Variants in PAK2 observed in about 807,000 individuals in gnomAD.
The protein encoded by PAK2 is serine/threonine-protein kinase PAK 2.
In PAK2, 21 loss-of-function variants were observed where a neutral mutation model predicts 65.9. That is an observed-to-expected ratio of 0.32 (90% CI 0.23 to 0.46). PAK2 has a LOEUF of 0.46. Ranked by LOEUF, PAK2 falls within the 20% of genes least tolerant of loss-of-function variation. The probability of loss-of-function intolerance (pLI) is 1.00; values close to 1 mark genes in which losing one functional copy is unlikely to be tolerated. For synonymous variants in PAK2, 204 were observed against 219.7 expected (o/e 0.93, Z 0.63); for missense variants, 324 against 642.6 (o/e 0.50, Z 5.36).
At chr3:196,755,016 G>T (rs1440220549) in intron 1 of PAK2, among the ~76,000 whole-genome samples, 2 of 152,198 alleles carry the variant, frequency 1.3e-5, no homozygotes, top group East Asian at 3.8e-4. Context: ...ATGAGGCAGA[G>T]CATGGCTGGG....
intron 2 of PAK2, among the ~76,000 whole-genome samples, chr3:196,785,462 C>G (rs74392797): frequency 1.2e-4 from 18 of 152,016 alleles, no homozygotes; most frequent in Non-Finnish European, 1.9e-4. Context: ...GATGAGCGTT[C>G]CCATTGCTGA....
chr3:196,827,570 A>G (rs1357865817), intron 14 of PAK2: 4 of 264,042 alleles, frequency 1.5e-5, no homozygotes, highest in Non-Finnish European at 2.3e-5. Context: ...ACCTGGACAC[A>G]GGAAGGGGAA....
intron 1 of PAK2, among the ~76,000 whole-genome samples, chr3:196,768,535 TCTCA>T (rs1172208549): frequency 4.6e-5 from 7 of 151,982 alleles, no homozygotes; most frequent in African/African-American, 1.5e-4. Context: ...TGAAACAAGG[TCTCA>T]CTCTGTTGCC....
rs143489574 is a variant in PAK2 at position 196,773,828 on chromosome 3, C to T, written c.-21-8798C>T. 7.9e-3 allele frequency among the ~76,000 whole-genome samples: 1,205 copies of T among 152,170 alleles called. 13 individuals carry two copies. Among genetic ancestry groups the T allele is most frequent in the Non-Finnish European group, 0.011 (761 of 67,994 alleles). On this transcript the variant is annotated intron_variant, in intron 1 of 14. Coordinates refer to ENST00000327134, the MANE Select transcript of PAK2 (RefSeq NM_002577.4). ...CAGAGGTTGCAGTGAGCCAAGATCA[C>T]GCCACTGCACTCCAGCCTGGGCGAC...
At position 196,812,174 on chromosome 3, in the gene PAK2, G is replaced by A. The variant is rs980340581; in HGVS notation, c.774-45G>A. 4.9e-5 allele frequency: 52 copies of A among 1,067,102 alleles called. No homozygotes were observed. The Admixed American group carries it at 8.0e-4, about 16-fold the overall frequency. The allele number at this position is 1,067,102 out of a possible 1,614,324, so 66.1% of individuals were successfully genotyped here. On this transcript the variant is annotated intron_variant, in intron 8 of 14. Transcript: ENST00000327134. ...AAGTCTTTGGATATTGCAAATGCTA[G>A]TGATTTATCAACCTTAAATCTGGTT...
intron 1 of PAK2, among the ~76,000 whole-genome samples, chr3:196,769,048 T>C (rs1287634256): frequency 6.6e-6 from 1 of 152,026 alleles, no homozygotes; most frequent in Non-Finnish European, 1.5e-5. Flanking sequence ...CAGAGCTAGC[T>C]GGGCACTGTA....
chr3:196,771,402 A>G (rs560933615), intron 1 of PAK2, among the ~76,000 whole-genome samples: 9 of 152,134 alleles, frequency 5.9e-5, no homozygotes, highest in African/African-American at 2.2e-4. Context: ...CTTTTGATTC[A>G]TTAGACTTCT....
At chr3:196,763,575 G>T (rs1419144834) in intron 1 of PAK2, among the ~76,000 whole-genome samples, 1 of 152,046 alleles carries the variant, frequency 6.6e-6, no homozygotes, top group Non-Finnish European at 1.5e-5. Flanking sequence ...TAACTGCTGC[G>T]GGAGCTCAGA....
intron 2 of PAK2, among the ~76,000 whole-genome samples, chr3:196,788,487 C>T (rs978742767): frequency 2.6e-5 from 4 of 152,142 alleles, no homozygotes; most frequent in African/African-American, 9.7e-5. Flanking sequence ...TTGGATCGTG[C>T]CGTTTTAAGG....
intron 2 of PAK2, among the ~76,000 whole-genome samples, chr3:196,788,160 CG>C (rs1714957954): frequency 6.6e-6 from 1 of 152,168 alleles, no homozygotes; most frequent in Non-Finnish European, 1.5e-5. Flanking sequence ...GTGAAACACT[CG>C]GTTTTGGTGT....
intron 2 of PAK2, among the ~76,000 whole-genome samples, chr3:196,800,318 G>T (rs1298794080): frequency 1.3e-5 from 2 of 152,032 alleles, no homozygotes; most frequent in African/African-American, 4.8e-5. Context: ...GGAGGCAGAG[G>T]TTGCAGTGAG....
intron 2 of PAK2, among the ~76,000 whole-genome samples, chr3:196,798,747 C>T (rs188388483): frequency 1.5e-3 from 231 of 152,162 alleles, no homozygotes; most frequent in East Asian, 1.5e-3. Flanking sequence ...GTTTGAAAAT[C>T]GATGGATGTT....
chr3:196,799,131 AT>A (rs1303695219), intron 2 of PAK2, among the ~76,000 whole-genome samples: 1 of 152,194 alleles, frequency 6.6e-6, no homozygotes, highest in Non-Finnish European at 1.5e-5. Flanking sequence ...CACCGACAAC[AT>A]GATTGAATTT....
chr3:196,801,700 G>A (rs1281521978), intron 2 of PAK2, among the ~76,000 whole-genome samples: 1 of 152,066 alleles, frequency 6.6e-6, no homozygotes, highest in Non-Finnish European at 1.5e-5. Context: ...GGGCATGGTG[G>A]TGGGCACCTG....
At chr3:196,803,307 A>C in intron 4 of PAK2, 143 bp downstream of exon 4, 2 of 629,516 alleles carry the variant, frequency 3.2e-6, no homozygotes, top group East Asian at 3.0e-5. Flanking sequence ...CCTTTTGTAG[A>C]CTGATCCAGG....
At chr3:196,750,202 T>C (rs7640613) in intron 1 of PAK2, among the ~76,000 whole-genome samples, 70,615 of 151,588 alleles carry the variant, frequency 0.47, 16,935 homozygotes, top group Non-Finnish European at 0.53. Context: ...ATTGGCCAGG[T>C]TGGTCTCGAA....
chr3:196,788,871 A>G (rs922490729), intron 2 of PAK2, among the ~76,000 whole-genome samples: 1 of 152,184 alleles, frequency 6.6e-6, no homozygotes, highest in African/African-American at 2.4e-5. Flanking sequence ...AGAGGGAAGG[A>G]CAGAGAATTA....
chr3:196,761,180 A>G (rs1389556197), intron 1 of PAK2, among the ~76,000 whole-genome samples: 1 of 100,640 alleles, frequency 9.9e-6, no homozygotes, highest in Admixed American at 1.1e-4. Flanking sequence ...TTTTTTATTG[A>G]TAATTCTTGG....
intron 1 of PAK2, among the ~76,000 whole-genome samples, chr3:196,759,874 A>G (rs915669298): frequency 1.3e-5 from 2 of 152,010 alleles, no homozygotes; most frequent in African/African-American, 4.8e-5. Flanking sequence ...AGCCGTCCCC[A>G]CTATCTAATT....
Sources: allele counts gnomAD v4.1 joint callset (sites outside exome capture counted in the v4.1 genomes callset), GRCh38; gene constraint gnomAD v4.1.1; transcripts MANE v1.5; gene names NCBI Gene and HGNC (gene_info 2026-07-23, HGNC 2026-07-21).